The following CD109 variants were observed in gnomAD, a reference collection of about 807,000 sequenced individuals.
CD109 encodes CD109 antigen.
In CD109, 149 loss-of-function variants were observed where a neutral mutation model predicts 165.8. The observed-to-expected ratio is 0.90, with a 90% CI of 0.79 to 1.03. The LOEUF (loss-of-function observed/expected upper bound fraction) is 1.03. Ranked by LOEUF, CD109 falls within the 50% of genes least tolerant of loss-of-function variation. The pLI, the probability that CD109 is intolerant of heterozygous loss-of-function variation, is 0.00. For synonymous variants in CD109, 585 were observed against 592.1 expected (o/e 0.99, Z 0.18); for missense variants, 1,712 against 1,677.8 (o/e 1.02, Z -0.36).
chr6:73,783,792 C>A lies in CD109; in HGVS notation c.2191C>A (p.Leu731Met), dbSNP rs528698300. The change falls in exon 19 of 33, where the codon CTG (leucine) becomes ATG (methionine). Residue 731 changes from leucine (L) to methionine (M), a missense_variant. By Grantham distance (15) the Leu-to-Met change is conservative (BLOSUM62 2). Coordinates refer to ENST00000287097, the MANE Select transcript of CD109 (RefSeq NM_133493.5). The part of the protein sequence containing the change: ...VATGFVISED[L>M]GLGLTTTPVE... The stretch of plus-strand genomic sequence containing the variant: ...TACTGGTTTTGTGATCTCTGAGGAC[C>A]TGGGTCTTGGACTAACAACTACTCC... The A allele has an allele frequency of 6.2e-6, 10 of 1,610,792 alleles. No homozygotes were observed. The East Asian group carries it at 2.2e-4, about 36-fold the overall frequency.
At position 73,817,199 on chromosome 6, in the gene CD109, A is replaced by G. The variant is rs571891554; in HGVS notation, c.3912-1189A>G. Among the ~76,000 whole-genome samples, 3 of 152,326 alleles carry G rather than the reference A, an allele frequency of 2.0e-5. No homozygotes were observed. In the East Asian group the frequency reaches 5.8e-4, roughly 29 times the overall value. On this transcript the variant is annotated intron_variant, in intron 30 of 32. Coordinates refer to ENST00000287097, the MANE Select transcript of CD109 (RefSeq NM_133493.5). The stretch of plus-strand genomic sequence containing the variant: ...CCTCATACCAGGCTTTCTGTGTGGC[A>G]TGATAGTTTAACAAATTCTGCCCCA...
At position 73,789,620 on chromosome 6, in the gene CD109, ATT is replaced by A. The variant is rs58908406; in HGVS notation, c.2701+1019_2701+1020del. Among the ~76,000 whole-genome samples, 452 of 147,990 alleles carry A rather than the reference ATT, an allele frequency of 3.1e-3. 2 individuals carry two copies. Among genetic ancestry groups the A allele is most frequent in the African/African-American group, 0.01 (407 of 40,492 alleles). The stretch of plus-strand genomic sequence containing the variant: ...AGGCACCCGCCACCATGCCTGGCTA[ATT>A]TTTTTTTTTTGTATTTTTTAGTAGA... On this transcript the variant is annotated intron_variant, in intron 22 of 32. Transcript: ENST00000287097.
intron 7 of CD109, among the ~76,000 whole-genome samples, chr6:73,761,879 A>ACAT (rs1457259629): frequency 6.6e-6 from 1 of 152,026 alleles, no homozygotes; most frequent in Non-Finnish European, 1.5e-5. Flanking sequence ...TTATAGTAGG[A>ACAT]GTATGTTTTT....
chr6:73,741,758 C>T (rs1772793009), intron 5 of CD109, among the ~76,000 whole-genome samples: 1 of 152,158 alleles, frequency 6.6e-6, no homozygotes, highest in Non-Finnish European at 1.5e-5. Context: ...GCAACCTCCA[C>T]CTCCCAGGTT....
chr6:73,782,793 G>C (rs1260751424), intron 18 of CD109, 38 bp downstream of exon 18: 1 of 1,597,396 alleles, frequency 6.3e-7, no homozygotes, highest in Admixed American at 1.7e-5. Context: ...TACATATTTT[G>C]TTTAGTGTTT....
At chr6:73,754,938 T>G (rs1773331107) in intron 5 of CD109, among the ~76,000 whole-genome samples, 1 of 152,240 alleles carries the variant, frequency 6.6e-6, no homozygotes, top group African/African-American at 2.4e-5. Context: ...CTGTGATTTA[T>G]AGAGCCTCAC....
chr6:73,786,753 A>T (rs1163099271), intron 20 of CD109, among the ~76,000 whole-genome samples: 1 of 152,244 alleles, frequency 6.6e-6, no homozygotes, highest in Non-Finnish European at 1.5e-5. Context: ...TACAACCAAG[A>T]TATGCTTCAG....
intron 22 of CD109, among the ~76,000 whole-genome samples, chr6:73,791,631 A>G (rs1436149120): frequency 6.6e-6 from 1 of 152,122 alleles, no homozygotes. Context: ...TTATTTTTAC[A>G]TGTTGTTTTA....
intron 5 of CD109, among the ~76,000 whole-genome samples, chr6:73,744,342 G>A (rs1467563785): frequency 6.6e-6 from 1 of 152,160 alleles, no homozygotes; most frequent in African/African-American, 2.4e-5. Flanking sequence ...CTAGATGATT[G>A]CTGTTATTAT....
At chr6:73,708,514 A>C (rs1301586605) in intron 2 of CD109, among the ~76,000 whole-genome samples, 1 of 152,232 alleles carries the variant, frequency 6.6e-6, no homozygotes, top group Non-Finnish European at 1.5e-5. Flanking sequence ...GTATATACCC[A>C]GTAATGGGAT....
intron 2 of CD109, among the ~76,000 whole-genome samples, chr6:73,700,794 T>A (rs907910962): frequency 8.4e-6 from 1 of 119,070 alleles, no homozygotes; most frequent in African/African-American, 3.2e-5. Flanking sequence ...ATTGTAGTTT[T>A]TTTTTTTTTT....
chr6:73,791,136 CATATATATATATATATATATATAT>C (rs61429872), intron 22 of CD109, among the ~76,000 whole-genome samples: 6,581 of 56,378 alleles, frequency 0.12, 560 homozygotes, highest in Non-Finnish European at 0.14. Flanking sequence ...TACATACATA[CATATATATATATATATATATATAT>C]ATATATATAT....
At chr6:73,693,585 C>A (rs1770727890), upstream of CD109, among the ~76,000 whole-genome samples, 1 of 152,248 alleles carries the variant, frequency 6.6e-6, no homozygotes, top group African/African-American at 2.4e-5. Context: ...GAGTCTTGCT[C>A]TGTCACCCAG....
chr6:73,795,799 G>C (rs1486132340), intron 23 of CD109, among the ~76,000 whole-genome samples: 1 of 150,818 alleles, frequency 6.6e-6, no homozygotes, highest in Non-Finnish European at 1.5e-5. Context: ...TGTCTCCAAG[G>C]CTTGGTTTTT....
At chr6:73,750,666 G>T (rs1773155233) in intron 5 of CD109, among the ~76,000 whole-genome samples, 2 of 152,200 alleles carry the variant, frequency 1.3e-5, no homozygotes, top group South Asian at 4.1e-4. Flanking sequence ...AAGAAGGAGA[G>T]AATTAATATG....
chr6:73,721,439 G>A (rs181389471), intron 2 of CD109, among the ~76,000 whole-genome samples: 1,924 of 146,888 alleles, frequency 0.013, 63 homozygotes, highest in African/African-American at 0.046. Context: ...ATCTTGGCTC[G>A]CTGCAAGCTC....
At chr6:73,772,505 CAAAAAAAAAAA>C (rs1027095366) in intron 15 of CD109, among the ~76,000 whole-genome samples, 1 of 39,570 alleles carries the variant, frequency 2.5e-5, no homozygotes, top group Non-Finnish European at 5.0e-5. Flanking sequence ...GACTCTGTCT[CAAAAAAAAAAA>C]AAAAAAAAAA....
chr6:73,734,372 A>G (rs1231926858), intron 4 of CD109, among the ~76,000 whole-genome samples: 2 of 152,244 alleles, frequency 1.3e-5, no homozygotes, highest in African/African-American at 2.4e-5. Flanking sequence ...ACTTCAGGTA[A>G]CACCAAGAAT....
rs143955621 is a variant in CD109, at chr6:73,743,393, C to T, written c.633+6885C>T. Among the ~76,000 whole-genome samples, 566 of 152,278 alleles carry T rather than the reference C, an allele frequency of 3.7e-3. 4 individuals carry two copies. Among genetic ancestry groups the T allele is most frequent in the African/African-American group, 0.011 (463 of 41,550 alleles). ...TCTTCTGGAGCCCTGTATAATGAAA[C>T]GGGTTATCAAATTATTATGTAACTC... is the stretch of plus-strand genomic sequence containing the variant. On this transcript the variant is annotated intron_variant, in intron 5 of 32. Transcript: ENST00000287097.
Sources: allele counts gnomAD v4.1 joint callset (sites outside exome capture counted in the v4.1 genomes callset), GRCh38; gene constraint gnomAD v4.1.1; transcripts MANE v1.5; gene names NCBI Gene and HGNC (gene_info 2026-07-23, HGNC 2026-07-21).